Variants in UVSSA observed in about 807,000 individuals in gnomAD.
UVSSA encodes the protein UV-stimulated scaffold protein A.
UVSSA carries 72 observed loss-of-function variants against 73.9 expected under a neutral mutation model. The observed-to-expected ratio is 0.97, with a 90% CI of 0.81 to 1.19. The LOEUF is 1.19. Ranked by LOEUF, UVSSA falls within the 50% of genes most tolerant of loss-of-function variation. UVSSA has a pLI of 0.00. For synonymous variants in UVSSA, 454 were observed against 391.3 expected (o/e 1.16, Z -1.89); for missense variants, 1,150 against 965.0 (o/e 1.19, Z -2.54).
At chr4:1,378,369 AT>A (rs1719026548) in intron 10 of UVSSA, among the ~76,000 whole-genome samples, 5 of 152,318 alleles carry the variant, frequency 3.3e-5, no homozygotes, top group Admixed American at 2.0e-4. Context: ...CCTGGCCAAC[AT>A]GACAAAACCC....
At chr4:1,371,686 C>T (rs541403765) in intron 8 of UVSSA, among the ~76,000 whole-genome samples, 7 of 152,300 alleles carry the variant, frequency 4.6e-5, no homozygotes, top group Non-Finnish European at 7.3e-5. Flanking sequence ...GAGAAACTCC[C>T]GCTTTTACAG....
chr4:1,357,316 AC>A (rs537983114), intron 7 of UVSSA, among the ~76,000 whole-genome samples: 23 of 152,338 alleles, frequency 1.5e-4, no homozygotes, highest in African/African-American at 5.3e-4. Flanking sequence ...TCCAGCTGGC[AC>A]AGTCCTTTAG....
Position 1,380,995 on chromosome 4 carries a change from C to T in UVSSA, c.1861+7C>T, listed in dbSNP as rs2109301685. 1.2e-6 allele frequency: 2 copies of T among 1,610,386 alleles called. No homozygotes were observed. Among genetic ancestry groups the T allele is most frequent in the East Asian group, 4.5e-5 (2 of 44,836 alleles). On this transcript the variant is annotated splice_region_variant and intron_variant, in intron 12 of 13. Transcript: ENST00000389851. The stretch of plus-strand genomic sequence containing the variant: ...CAGAAGCAGGAGCGCCCGGGTAGGT[C>T]TGGGCAAGGCGGTCACCGTGGGAGG...
chr4:1,346,926 G>C (rs1036913273), upstream of UVSSA, among the ~76,000 whole-genome samples: 1 of 152,218 alleles, frequency 6.6e-6, no homozygotes, highest in Admixed American at 6.5e-5. Context: ...CCCTCGCCGG[G>C]AGCGCGCCTA....
chr4:1,352,989 T>C, intron 4 of UVSSA, 41 bp from the exon 5 acceptor site: 4 of 1,564,418 alleles, frequency 2.6e-6, no homozygotes, highest in Non-Finnish European at 3.5e-6. Context: ...GTGCTTTTGC[T>C]CCACATAGCG....
At position 1,350,215 on chromosome 4, in the gene UVSSA, G is replaced by GT. The variant is rs562416494; in HGVS notation, c.429+362dup. On this transcript the variant is annotated intron_variant, in intron 3 of 13. Transcript: ENST00000389851. ...CAGTGGCCCCTGGACTCTGGGACCT[G>GT]TCCCAACCTTGCACTTTAAGGCTCC... is the stretch of plus-strand genomic sequence containing the variant. 1.3e-3 allele frequency among the ~76,000 whole-genome samples: 197 copies of GT among 152,320 alleles called. 2 individuals carry two copies. The highest frequency in any genetic ancestry group is 4.4e-3 in the African/African-American group (182 of 41,558).
At position 1,378,578 on chromosome 4, in the gene UVSSA, C is replaced by T. The variant is rs559484785; in HGVS notation, c.1569-1469C>T. On this transcript the variant is annotated intron_variant, in intron 10 of 13. Coordinates refer to ENST00000389851, the MANE Select transcript of UVSSA (RefSeq NM_020894.4). ...AAAAAAATAGCCAGTGGTCCTCGGC[C>T]GAGGGGAGTAGAGGGAAGCATCCCT... Among the ~76,000 whole-genome samples, 162 of 152,194 alleles carry T rather than the reference C, an allele frequency of 1.1e-3. 3 individuals are homozygous for T. The South Asian group carries it at 0.02, about 18-fold the overall frequency.
At chr4:1,364,354 C>T (rs796588126) in intron 7 of UVSSA, among the ~76,000 whole-genome samples, 3,021 of 113,860 alleles carry the variant, frequency 0.027, 338 homozygotes, top group Non-Finnish European at 0.048. Context: ...TGCTGGTGCG[C>T]GGGCCCCGTG....
At chr4:1,385,578 C>T (rs573042026) in intron 13 of UVSSA, 35 of 452,832 alleles carry the variant, frequency 7.7e-5, no homozygotes, top group East Asian at 4.5e-4. Context: ...CGGGAGGCCA[C>T]GGGAGAAGTG....
At chr4:1,380,013 C>G (rs999042773) in intron 10 of UVSSA, 34 bp from the exon 11 acceptor site, 1 of 1,564,534 alleles carries the variant, frequency 6.4e-7, no homozygotes, top group Non-Finnish European at 8.7e-7. Flanking sequence ...GGGGTCCCTG[C>G]AGATGCTATG....
intron 8 of UVSSA, among the ~76,000 whole-genome samples, chr4:1,372,498 T>C (rs939811593): frequency 6.6e-6 from 1 of 152,218 alleles, no homozygotes; most frequent in African/African-American, 2.4e-5. Context: ...TCAATTTCTG[T>C]ACTATTTCCT....
intron 11 of UVSSA, 89 bp from the exon 12 acceptor site, chr4:1,380,791 T>A: frequency 6.3e-7 from 1 of 1,589,254 alleles, no homozygotes; most frequent in Non-Finnish European, 8.6e-7. Context: ...CCCTGGTCGC[T>A]GTTTGTGCCC....
upstream of UVSSA, among the ~76,000 whole-genome samples, chr4:1,342,663 G>A (rs1713471506): frequency 6.6e-6 from 1 of 152,168 alleles, no homozygotes; most frequent in Admixed American, 6.5e-5. Flanking sequence ...TGTGTGTTGT[G>A]TGAGGAAGAG....
At chr4:1,352,495 TG>T in intron 4 of UVSSA, among the ~76,000 whole-genome samples, 1 of 152,304 alleles carries the variant, frequency 6.6e-6, no homozygotes, top group Non-Finnish European at 1.5e-5. Flanking sequence ...AGGTGTGGCA[TG>T]AACGAGGCTG....
chr4:1,355,289 A>G (rs751556539), intron 7 of UVSSA, 44 bp downstream of exon 7: 1 of 1,378,982 alleles, frequency 7.3e-7, no homozygotes, highest in Non-Finnish European at 9.9e-7. Flanking sequence ...CAGAGGCCTC[A>G]GTGGGGGAGG....
At chr4:1,347,827 T>G in intron 1 of UVSSA, 67 bp downstream of exon 1, 1 of 412,160 alleles carries the variant, frequency 2.4e-6, no homozygotes, top group Non-Finnish European at 4.4e-6. Context: ...ACTGGTTCCT[T>G]TAACGCACGA....
intron 8 of UVSSA, chr4:1,374,841 G>A (rs1718555766): frequency 6.5e-6 from 1 of 154,334 alleles, no homozygotes; most frequent in African/African-American, 2.4e-5. Context: ...AGCGTGAGAT[G>A]TGGGTTGAAC....
chr4:1,363,490 T>C (rs1401243076), intron 7 of UVSSA, among the ~76,000 whole-genome samples: 1 of 152,188 alleles, frequency 6.6e-6, no homozygotes, highest in Admixed American at 6.5e-5. Context: ...ACGCCCATAT[T>C]TAAAATCTGG....
chr4:1,347,840 C>T (rs901909996), intron 1 of UVSSA, 80 bp downstream of exon 1: 5 of 462,298 alleles, frequency 1.1e-5, no homozygotes, highest in Admixed American at 3.8e-5. Flanking sequence ...ACGCACGACC[C>T]TCAATGCAGC....
Sources: gnomAD v4.1 joint callset for allele counts (sites outside exome capture counted in the v4.1 genomes callset) on GRCh38, gnomAD v4.1.1 for gene constraint, MANE v1.5 for transcripts, NCBI Gene and HGNC (gene_info 2026-07-23, HGNC 2026-07-21) for gene names.